CAMK2G: variants seen among roughly 807,000 people sequenced by gnomAD.
The protein encoded by CAMK2G is calcium/calmodulin dependent protein kinase II gamma.
A neutral mutation model predicts 88.7 loss-of-function variants in CAMK2G; 23 were observed. The observed-to-expected ratio is 0.26, with a 90% CI of 0.19 to 0.37. CAMK2G has a LOEUF of 0.37. Ranked by LOEUF, CAMK2G falls within the 10% of genes least tolerant of loss-of-function variation. The pLI is 1.00. For missense variants in CAMK2G, 476 were observed against 780.8 expected (o/e 0.61, Z 4.65); for synonymous variants, 263 against 294.8 (o/e 0.89, Z 1.11).
At chr10:73,826,690 C>A (rs552746059) in intron 15 of CAMK2G, among the ~76,000 whole-genome samples, 205 of 152,314 alleles carry the variant, frequency 1.3e-3, no homozygotes, top group African/African-American at 4.7e-3. Flanking sequence ...GTGTGGCTAC[C>A]ATCCCTGCAC....
rs925975731 is a variant in CAMK2G, at chr10:73,817,251, G to A, written c.1440-134C>T. 3.1e-6 allele frequency: 4 copies of A among 1,286,304 alleles called. No homozygotes were observed. In the African/African-American group the frequency reaches 4.5e-5, roughly 15 times the overall value. The allele number at this position is 1,286,304 out of a possible 1,614,324, so 79.7% of individuals were successfully genotyped here. A position where few individuals can be genotyped will look rare whatever the true frequency, so the allele number is the denominator to read the frequency against. On this transcript the variant is annotated intron_variant, in intron 20 of 22. Transcript: ENST00000423381. ...CAGACAAGACAGCAAAGATCTTCCAGGCCTGCCTGCTGAGCCACTCAGCCC... is the reference window on the plus strand; with the variant it reads ...CAGACAAGACAGCAAAGATCTTCCAAGCCTGCCTGCTGAGCCACTCAGCCC...
At chr10:73,868,241 G>T (rs2095664097) in intron 2 of CAMK2G, among the ~76,000 whole-genome samples, 1 of 152,224 alleles carries the variant, frequency 6.6e-6, no homozygotes, top group African/African-American at 2.4e-5. Context: ...TCGAACAAGG[G>T]TATGGTGACA....
In CAMK2G at chr10:73,815,125, G is replaced by A. The variant is rs775461237; in HGVS notation, c.1657C>T (p.Arg553Trp). 2.3e-5 allele frequency: 37 copies of A among 1,614,224 alleles called. No homozygotes were observed. Among genetic ancestry groups the A allele is most frequent in the Non-Finnish European group, 3.0e-5 (35 of 1,180,024 alleles). ...TCTTCTGACTGGCTGGTGCGAGGCC[G>A]ACCCTGCCCGTCGATGTACTGGGTG... ...RLTQYIDGQG[R>W]PRTSQSEETR... The change falls in exon 22 of 23, where the codon CGG becomes TGG. Residue 553 changes from arginine (R) to tryptophan (W), a missense_variant. By Grantham distance (101) the Arg-to-Trp change is moderately radical. This residue lies in a region of CAMK2G where 278 missense variants were observed against 366.5 expected (regional missense o/e 0.76). Transcript: ENST00000423381.
chr10:73,865,384 G>A (rs1201534309), intron 2 of CAMK2G, among the ~76,000 whole-genome samples: 3 of 152,176 alleles, frequency 2.0e-5, no homozygotes, highest in Non-Finnish European at 4.4e-5. Context: ...GTGGCACCCT[G>A]CCATCCACAA....
At chr10:73,863,116 T>C (rs2095450949) in intron 2 of CAMK2G, among the ~76,000 whole-genome samples, 1 of 152,252 alleles carries the variant, frequency 6.6e-6, no homozygotes. Flanking sequence ...TGTCCTAAAC[T>C]TTCCCTCTAG....
intron 16 of CAMK2G, 50 bp downstream of exon 16, chr10:73,825,229 G>A: frequency 7.7e-7 from 1 of 1,303,484 alleles, no homozygotes; most frequent in East Asian, 2.3e-5. Context: ...AGAGGGAAGG[G>A]GCAGGAGGCA....
intron 4 of CAMK2G, 59 bp downstream of exon 4, chr10:73,853,133 C>G (rs373874235): frequency 5.3e-6 from 8 of 1,511,728 alleles, no homozygotes; most frequent in Admixed American, 1.7e-5. Context: ...TCTTCCTGAG[C>G]CTTCATTTTG....
At position 73,839,911 on chromosome 10, in the gene CAMK2G, G is replaced by C. The variant is rs555195220; in HGVS notation, c.947-310C>G. Among the ~76,000 whole-genome samples, 2 of 152,316 alleles carry C rather than the reference G, an allele frequency of 1.3e-5. No homozygotes were observed. The highest frequency in any genetic ancestry group is 1.3e-4 in the Admixed American group (2 of 15,310). ...CAGCGAAATGCCTGAGCCGGTGAGA[G>C]GCAGGTGCCCCTTCTGAGGTAGCCC... On this transcript the variant is annotated intron_variant, in intron 12 of 22. Transcript: ENST00000423381. This position sits in a 1 kb window ranked among gnomAD's most constrained non-coding sequence, Gnocchi z 4.2.
intron 3 of CAMK2G, among the ~76,000 whole-genome samples, chr10:73,855,328 C>T (rs905092990): frequency 1.3e-5 from 2 of 152,216 alleles, no homozygotes; most frequent in African/African-American, 4.8e-5. Context: ...GTGTGTAATA[C>T]AAATAATCCC....
At chr10:73,847,922 G>T in intron 9 of CAMK2G, 66 bp downstream of exon 9, 2 of 903,934 alleles carry the variant, frequency 2.2e-6, no homozygotes, top group South Asian at 1.4e-5. Context: ...TGCTCCCTTG[G>T]ACAGAGCCCG....
At chr10:73,870,235 G>A (rs548810912) in intron 2 of CAMK2G, among the ~76,000 whole-genome samples, 2 of 152,062 alleles carry the variant, frequency 1.3e-5, no homozygotes, top group African/African-American at 4.8e-5. Flanking sequence ...TGCCTCCTTC[G>A]GCCTAGTGGA....
At chr10:73,861,941 T>G (rs2135552088) in intron 2 of CAMK2G, among the ~76,000 whole-genome samples, 1 of 152,284 alleles carries the variant, frequency 6.6e-6, no homozygotes, top group South Asian at 2.1e-4. Context: ...TGATGCCCAT[T>G]TTATAGAAAG....
chr10:73,845,691 C>A (rs1237666060), intron 10 of CAMK2G, among the ~76,000 whole-genome samples: 1 of 152,028 alleles, frequency 6.6e-6, no homozygotes, highest in Non-Finnish European at 1.5e-5. Context: ...AACCTGGCCT[C>A]TCTCTTCTTT....
intron 4 of CAMK2G, chr10:73,852,851 T>C: frequency 3.3e-6 from 1 of 305,094 alleles, no homozygotes; most frequent in Non-Finnish European, 6.1e-6. Context: ...AAGCTACCTC[T>C]GATTTCTCAG....
chr10:73,840,524 T>C (rs1175124398), intron 12 of CAMK2G, among the ~76,000 whole-genome samples: 2 of 152,182 alleles, frequency 1.3e-5, no homozygotes, highest in Admixed American at 6.5e-5. Flanking sequence ...GCAACATTGT[T>C]TGTCTCCTCT....
intron 17 of CAMK2G, among the ~76,000 whole-genome samples, chr10:73,822,780 C>G (rs1348658600): frequency 1.3e-5 from 2 of 152,164 alleles, no homozygotes; most frequent in Non-Finnish European, 2.9e-5. Flanking sequence ...CAGTTTCTAG[C>G]TCAGATATCA....
chr10:73,815,587 A>C (rs2085194797), intron 21 of CAMK2G, among the ~76,000 whole-genome samples: 1 of 152,180 alleles, frequency 6.6e-6, no homozygotes, highest in Non-Finnish European at 1.5e-5. Context: ...CTCAAGGAAT[A>C]ATTTGCTCAA....
chr10:73,834,622 C>A (rs973416249), intron 14 of CAMK2G, among the ~76,000 whole-genome samples: 1 of 152,180 alleles, frequency 6.6e-6, no homozygotes, highest in East Asian at 1.9e-4. Context: ...TAACACATAA[C>A]CCCAAAATTT....
intron 2 of CAMK2G, among the ~76,000 whole-genome samples, chr10:73,868,750 C>A (rs759011557): frequency 2.0e-5 from 3 of 152,122 alleles, no homozygotes; most frequent in Non-Finnish European, 2.9e-5. Flanking sequence ...CTTGGAGATA[C>A]CACAGGGGAC....
Sources: gnomAD v4.1 joint callset for allele counts (sites outside exome capture counted in the v4.1 genomes callset) on GRCh38, gnomAD v4.1.1 for gene constraint, gnomAD v4.1.1 regional missense constraint, Gnocchi (gnomAD v3.1) non-coding constraint, MANE v1.5 for transcripts, NCBI Gene and HGNC (gene_info 2026-07-23, HGNC 2026-07-21) for gene names.